Variants in SND1 observed in about 807,000 individuals in gnomAD.
SND1 encodes staphylococcal nuclease and tudor domain containing 1.
In SND1, 38 loss-of-function variants were observed where a neutral mutation model predicts 121.7. The ratio of observed to expected loss-of-function variants is 0.31; its 90% confidence interval spans 0.24 to 0.41. The LOEUF (loss-of-function observed/expected upper bound fraction) is 0.41, where lower values mean the gene tolerates loss of function less well. SND1 is among the 10% of genes least tolerant of loss of function. SND1 has a pLI of 1.00. For synonymous variants in SND1, 401 were observed against 447.4 expected, an observed-to-expected ratio of 0.90 and a Z score of 1.31; for missense variants, 868 against 1,184.6, an observed-to-expected ratio of 0.73 and a Z score of 3.92.
chr7:128,014,749 G>C (rs769652198), intron 16 of SND1, among the ~76,000 whole-genome samples: 4 of 152,214 alleles, frequency 2.6e-5, no homozygotes, highest in Non-Finnish European at 5.9e-5. Context: ...TTGGCGGGCA[G>C]TTGTGAGAGA....
intron 18 of SND1, chr7:128,081,818 G>T (rs765080299): frequency 6.9e-6 from 4 of 575,926 alleles, no homozygotes; most frequent in Non-Finnish European, 1.4e-5. Flanking sequence ...GTGATTGTTT[G>T]TTCCTACATA....
intron 15 of SND1, among the ~76,000 whole-genome samples, chr7:127,945,474 G>C (rs1313492701): frequency 1.3e-5 from 2 of 151,772 alleles, no homozygotes; most frequent in Non-Finnish European, 2.9e-5. Context: ...CTGGGTGACA[G>C]AGCGAGACTC....
At chr7:127,993,082 T>G (rs1333417787) in intron 16 of SND1, among the ~76,000 whole-genome samples, 13 of 152,334 alleles carry the variant, frequency 8.5e-5, no homozygotes, top group Non-Finnish European at 1.6e-4. Flanking sequence ...ATATGATTAC[T>G]TGGGTTGGCT....
At chr7:127,928,013 C>T (rs558217961) in intron 14 of SND1, 1 of 152,180 alleles carries the variant, frequency 6.6e-6, no homozygotes, top group Non-Finnish European at 1.5e-5. Context: ...CTAGCATATA[C>T]GATGTGATAT....
chr7:127,814,173 AT>A (rs1798385665), intron 11 of SND1, among the ~76,000 whole-genome samples: 1 of 152,130 alleles, frequency 6.6e-6, no homozygotes, highest in African/African-American at 2.4e-5. Context: ...CCCACTCCTG[AT>A]CTTTTCAGCT....
intron 10 of SND1, among the ~76,000 whole-genome samples, chr7:127,734,595 A>G (rs995517103): frequency 5.3e-5 from 8 of 152,198 alleles, no homozygotes; most frequent in African/African-American, 1.7e-4. Context: ...TTTATGGTAC[A>G]TAGAGAGAAC....
At chr7:127,905,606 T>C (rs2116767271) in intron 14 of SND1, among the ~76,000 whole-genome samples, 1 of 152,270 alleles carries the variant, frequency 6.6e-6, no homozygotes, top group South Asian at 2.1e-4. Context: ...TAGCGAAAAC[T>C]ACTGTGAAGA....
chr7:127,695,629 C>T (rs1379513276), intron 3 of SND1, among the ~76,000 whole-genome samples: 1 of 152,060 alleles, frequency 6.6e-6, no homozygotes, highest in Non-Finnish European at 1.5e-5. Context: ...CACAAGAGTT[C>T]GAGACCAGCC....
At chr7:127,772,607 C>G (rs1028661415) in intron 10 of SND1, among the ~76,000 whole-genome samples, 13 of 152,180 alleles carry the variant, frequency 8.5e-5, no homozygotes, top group African/African-American at 3.1e-4. Flanking sequence ...CTCATCTGTG[C>G]TGCCACAATG....
At chr7:127,890,405 C>T (rs1436323988) in intron 13 of SND1, among the ~76,000 whole-genome samples, 2 of 152,080 alleles carry the variant, frequency 1.3e-5, no homozygotes, top group African/African-American at 4.8e-5. Context: ...TCATCCAGCT[C>T]CAGTAGGAAA....
chr7:128,077,194 C>G (rs1486072900), intron 17 of SND1, among the ~76,000 whole-genome samples: 1 of 152,230 alleles, frequency 6.6e-6, no homozygotes, highest in Non-Finnish European at 1.5e-5. Flanking sequence ...ACCCCTGGAG[C>G]CTTGCAAGCA....
At chr7:128,053,279 A>G (rs569910029) in intron 16 of SND1, among the ~76,000 whole-genome samples, 21 of 152,332 alleles carry the variant, frequency 1.4e-4, no homozygotes, top group Non-Finnish European at 1.9e-4. Context: ...CTTTTATCCC[A>G]TACAAGCATG....
chr7:127,814,048 T>C (rs1038763956), intron 11 of SND1, among the ~76,000 whole-genome samples: 2 of 152,232 alleles, frequency 1.3e-5, no homozygotes, highest in Admixed American at 6.5e-5. Flanking sequence ...TATACTCTTA[T>C]ATTAATTTGC....
chr7:127,907,920 G>A (rs923813941), intron 14 of SND1, among the ~76,000 whole-genome samples: 2 of 152,150 alleles, frequency 1.3e-5, no homozygotes, highest in Admixed American at 6.6e-5. Context: ...AGACCTGCTT[G>A]GCTGATTGCT....
intron 15 of SND1, among the ~76,000 whole-genome samples, chr7:127,938,870 A>G (rs1801122069): frequency 6.6e-6 from 1 of 152,220 alleles, no homozygotes; most frequent in Non-Finnish European, 1.5e-5. Context: ...TGGGTCATTC[A>G]ATTACATGGT....
intron 12 of SND1, among the ~76,000 whole-genome samples, chr7:127,850,196 T>C (rs1799138793): frequency 6.6e-6 from 1 of 152,222 alleles, no homozygotes; most frequent in Non-Finnish European, 1.5e-5. Flanking sequence ...GTTTGGTTTT[T>C]CTCAGTCACA....
intron 16 of SND1, among the ~76,000 whole-genome samples, chr7:128,065,438 C>T (rs1255080749): frequency 1.3e-5 from 2 of 152,210 alleles, no homozygotes; most frequent in Admixed American, 6.5e-5. Flanking sequence ...TGTACCATCC[C>T]ACAGCAGGCC....
intron 11 of SND1, among the ~76,000 whole-genome samples, chr7:127,826,945 G>C (rs1246474327): frequency 1.3e-5 from 2 of 152,190 alleles, no homozygotes; most frequent in Non-Finnish European, 1.5e-5. Flanking sequence ...CTTCTAAAAT[G>C]ACTCCAACTT....
chr7:127,692,084 G>C (rs1795928651), intron 2 of SND1, among the ~76,000 whole-genome samples: 1 of 152,202 alleles, frequency 6.6e-6, no homozygotes, highest in African/African-American at 2.4e-5. Flanking sequence ...CGGTGGGGTG[G>C]TTGGAAGAGA....
Sources: allele counts gnomAD v4.1 joint callset (sites outside exome capture counted in the v4.1 genomes callset), GRCh38; gene constraint gnomAD v4.1.1; transcripts MANE v1.5; gene names NCBI Gene and HGNC (gene_info 2026-07-23, HGNC 2026-07-21).